Variants in SEC24D observed in about 807,000 individuals in gnomAD.
The protein encoded by SEC24D is SEC24 homolog D, COPII component, also known as protein transport protein Sec24D.
SEC24D carries 69 observed loss-of-function variants against 116.9 expected under a neutral mutation model. The observed-to-expected ratio is 0.59, with a 90% CI of 0.49 to 0.72. SEC24D has a LOEUF of 0.72. Ranked by LOEUF, SEC24D falls within the 30% of genes least tolerant of loss-of-function variation. The probability of loss-of-function intolerance (pLI) is 0.00; values close to 1 mark genes in which losing one functional copy is unlikely to be tolerated. For missense variants in SEC24D, 1,131 were observed against 1,264.1 expected, an observed-to-expected ratio of 0.89 and a Z score of 1.60; for synonymous variants, 405 against 442.8, an observed-to-expected ratio of 0.91 and a Z score of 1.07.
chr4:118,767,984 T>C (rs1727718876), intron 9 of SEC24D, among the ~76,000 whole-genome samples, 189 bp downstream of exon 9: 1 of 152,226 alleles, frequency 6.6e-6, no homozygotes, highest in Admixed American at 6.5e-5. Flanking sequence ...GCTCATGTAG[T>C]TACCTAAGGT....
chr4:118,764,951 G>C, intron 9 of SEC24D, 34 bp from the exon 10 acceptor site: 1 of 1,238,694 alleles, frequency 8.1e-7, no homozygotes, highest in Non-Finnish European at 1.2e-6. Flanking sequence ...AAAATATTTT[G>C]TTTTCATAAA....
chr4:118,792,622 G>A (rs1270955987), intron 8 of SEC24D, among the ~76,000 whole-genome samples: 6 of 152,014 alleles, frequency 3.9e-5, no homozygotes, highest in Non-Finnish European at 7.4e-5. Flanking sequence ...AACATGTGCT[G>A]TGTCCACTAA....
chr4:118,820,316 G>A (rs1730346899), intron 3 of SEC24D, among the ~76,000 whole-genome samples: 1 of 151,820 alleles, frequency 6.6e-6, no homozygotes, highest in Non-Finnish European at 1.5e-5. Flanking sequence ...GAGTAGCTGG[G>A]ATTACAGGTA....
intron 3 of SEC24D, among the ~76,000 whole-genome samples, chr4:118,819,447 C>T (rs1485467473): frequency 7.0e-6 from 1 of 142,252 alleles, no homozygotes; most frequent in Non-Finnish European, 1.5e-5. Context: ...AGGAGAATGG[C>T]GTGAACCTGG....
At chr4:118,744,643 G>A (rs1314899996) in intron 14 of SEC24D, among the ~76,000 whole-genome samples, 8 of 152,188 alleles carry the variant, frequency 5.3e-5, no homozygotes. Flanking sequence ...TGTCTAACAT[G>A]GTAAAACTCC....
intron 2 of SEC24D, among the ~76,000 whole-genome samples, chr4:118,825,147 CTG>C (rs1416534440): frequency 1.3e-5 from 2 of 152,206 alleles, no homozygotes; most frequent in African/African-American, 2.4e-5. Context: ...AGCATTCTAA[CTG>C]TAACTAAACG....
intron 7 of SEC24D, among the ~76,000 whole-genome samples, chr4:118,801,640 A>T (rs1017934168): frequency 1.3e-5 from 2 of 152,210 alleles, no homozygotes; most frequent in Non-Finnish European, 2.9e-5. Context: ...GCACTCAATT[A>T]TACTCGTTAA....
At chr4:118,738,571 A>T (rs980175809) in intron 18 of SEC24D, among the ~76,000 whole-genome samples, 192 bp from the exon 19 acceptor site, 4 of 152,226 alleles carry the variant, frequency 2.6e-5, no homozygotes, top group Non-Finnish European at 5.9e-5. Flanking sequence ...AATGGAGAAC[A>T]TTGGCCTACC....
At chr4:118,809,224 A>C (rs1729803148) in intron 6 of SEC24D, among the ~76,000 whole-genome samples, 1 of 152,036 alleles carries the variant, frequency 6.6e-6, no homozygotes, top group South Asian at 2.1e-4. Context: ...CGCCCGCCTC[A>C]GCCTCCCAAA....
At position 118,723,430 on chromosome 4, in the gene SEC24D, C is replaced by A; in HGVS notation, c.*85G>T. The A allele has an allele frequency of 7.4e-7, 1 of 1,352,854 alleles. No individual in the cohort carries two copies. The highest frequency in any genetic ancestry group is 1.0e-6 in the Non-Finnish European group (1 of 983,764). The allele number at this position is 1,352,854 out of a possible 1,614,324, so 83.8% of individuals were successfully genotyped here. The stretch of plus-strand genomic sequence containing the variant: ...TCTGAAAATGAGCAAGAAATCAAAA[C>A]TAGCCTATTATCATCTAGAAAATTA... On this transcript the variant is annotated 3_prime_UTR_variant, in exon 23 of 23. Transcript: ENST00000280551.
intron 13 of SEC24D, among the ~76,000 whole-genome samples, chr4:118,748,742 G>A (rs1282571978): frequency 6.6e-6 from 1 of 151,498 alleles, no homozygotes; most frequent in Non-Finnish European, 1.5e-5. Flanking sequence ...AATGACATTT[G>A]TATCACAACT....
intron 7 of SEC24D, among the ~76,000 whole-genome samples, chr4:118,803,834 G>A (rs2110512171): frequency 6.6e-6 from 1 of 151,674 alleles, no homozygotes; most frequent in East Asian, 1.9e-4. Flanking sequence ...CATTACAGGG[G>A]GATTAAATTA....
intron 19 of SEC24D, among the ~76,000 whole-genome samples, chr4:118,737,695 T>C (rs1726033178): frequency 1.3e-5 from 2 of 152,222 alleles, no homozygotes; most frequent in South Asian, 4.1e-4. Flanking sequence ...GTTCTGCTTT[T>C]CCTTTTATAG....
intron 14 of SEC24D, among the ~76,000 whole-genome samples, chr4:118,744,618 G>A (rs909694749): frequency 1.2e-4 from 19 of 152,192 alleles, no homozygotes; most frequent in Admixed American, 8.5e-4. Flanking sequence ...GGCCTCTGCC[G>A]CCAAGGGAAG....
At chr4:118,735,588 T>A (rs1428416426) in intron 19 of SEC24D, 1 of 152,138 alleles carries the variant, frequency 6.6e-6, no homozygotes, top group Non-Finnish European at 1.5e-5. Flanking sequence ...ATGAATGCAC[T>A]CCCATATGAT....
At chr4:118,733,012 G>C (rs754410317) in intron 19 of SEC24D, 100 bp from the exon 20 acceptor site, 18 of 992,240 alleles carry the variant, frequency 1.8e-5, no homozygotes, top group Non-Finnish European at 2.6e-5. Context: ...TTCTGAACTT[G>C]TAAGGATGTA....
At chr4:118,725,053 A>T (rs1725336541) in intron 22 of SEC24D, among the ~76,000 whole-genome samples, 1 of 149,920 alleles carries the variant, frequency 6.7e-6, no homozygotes, top group South Asian at 2.1e-4. Flanking sequence ...AACTCTGTCA[A>T]CACCACTTGC....
rs529729276 is a variant in SEC24D, at chr4:118,741,743, A to T, written c.1996-706T>A. ...CCAGTCCCAAACACGAAGGGAATGA[A>T]GGAGGAAAGGAAAGAGGGAGATCAT... is the stretch of plus-strand genomic sequence containing the variant. On this transcript the variant is annotated intron_variant, in intron 15 of 22. Coordinates refer to ENST00000280551, the MANE Select transcript of SEC24D (RefSeq NM_014822.4). Among the ~76,000 whole-genome samples the T allele has an allele frequency of 1.1e-4, 17 of 152,344 alleles. No individual in the cohort carries two copies. The South Asian group carries it at 3.5e-3, about 32-fold the overall frequency.
Position 118,739,283 on chromosome 4 carries a change from G to A in SEC24D, c.2243C>T (p.Ala748Val), listed in dbSNP as rs775338794. ...SEDSGALIQCAVLYTTISGQR... is the reference protein window; with the variant it reads ...SEDSGALIQCVVLYTTISGQR... ...ACCACTGATTGTCGTGTAAAGCACA[G>A]CACACTGTAGAAGCAACATTGAGGT... The change falls in exon 18 of 23, where the codon GCT becomes GTT. Residue 748 changes from alanine to valine, a missense_variant. By Grantham distance (64) the Ala-to-Val change is moderately conservative (BLOSUM62 0). Transcript: ENST00000280551. 21 of 1,612,286 alleles carry A rather than the reference G, an allele frequency of 1.3e-5. No homozygotes were observed. The highest frequency in any genetic ancestry group is 1.7e-5 in the Non-Finnish European group (20 of 1,179,044).
Sources: gnomAD v4.1 joint callset for allele counts (sites outside exome capture counted in the v4.1 genomes callset) on GRCh38, gnomAD v4.1.1 for gene constraint, MANE v1.5 for transcripts, NCBI Gene and HGNC (gene_info 2026-07-23, HGNC 2026-07-21) for gene names.